CAPZB: variants seen among roughly 807,000 people sequenced by gnomAD.
CAPZB encodes F-actin-capping protein subunit beta.
CAPZB carries 2 observed loss-of-function variants against 38.1 expected under a neutral mutation model. The observed-to-expected ratio is 0.05, with a 90% CI of 0.02 to 0.17. The LOEUF is 0.17. Ranked by LOEUF, CAPZB falls within the 10% of genes least tolerant of loss-of-function variation. The probability of loss-of-function intolerance (pLI) is 1.00; values close to 1 mark genes in which losing one functional copy is unlikely to be tolerated. For missense variants in CAPZB, 161 were observed against 334.2 expected (o/e 0.48, Z 4.04); for synonymous variants, 107 against 127.4 (o/e 0.84, Z 1.08).
At chr1:19,460,477 G>A (rs1350968339) in intron 1 of CAPZB, among the ~76,000 whole-genome samples, 7 of 150,516 alleles carry the variant, frequency 4.7e-5, no homozygotes, top group East Asian at 2.0e-4. Context: ...AGGTTTCACC[G>A]TGTTAGCCAG....
At chr1:19,402,444 T>C (rs919922633) in intron 2 of CAPZB, among the ~76,000 whole-genome samples, 1 of 152,222 alleles carries the variant, frequency 6.6e-6, no homozygotes, top group African/African-American at 2.4e-5. Flanking sequence ...ATCTAGAAAG[T>C]CTGAGTGGGA....
chr1:19,431,776 C>A (rs1445420156), intron 1 of CAPZB, among the ~76,000 whole-genome samples: 1 of 151,600 alleles, frequency 6.6e-6, no homozygotes, highest in Non-Finnish European at 1.5e-5. Flanking sequence ...TTGATTTTAT[C>A]CAAGAAAATA....
rs541701787 is a variant in CAPZB, at chr1:19,359,039, T to C, written c.330-1476A>G. Among the ~76,000 whole-genome samples the C allele has an allele frequency of 3.4e-4, 52 of 152,306 alleles. No individual in the cohort carries two copies. The East Asian group carries it at 8.9e-3, about 26-fold the overall frequency. ...GGACTTAATCTACTTTCTACGGCTG[T>C]TGAGAGACAAAAACAATTAGGAAAA... On this transcript the variant is annotated intron_variant, in intron 4 of 8. Coordinates refer to ENST00000264202, the MANE Select transcript of CAPZB (RefSeq NM_004930.5).
chr1:19,463,261 G>A (rs2094558045), intron 1 of CAPZB, among the ~76,000 whole-genome samples: 1 of 152,170 alleles, frequency 6.6e-6, no homozygotes, highest in Non-Finnish European at 1.5e-5. Context: ...AGGATTTTAT[G>A]AAAATGTGTT....
chr1:19,425,883 GGTAGA>G (rs1463522831), intron 1 of CAPZB, among the ~76,000 whole-genome samples: 7 of 152,172 alleles, frequency 4.6e-5, no homozygotes, highest in Non-Finnish European at 1.5e-5. Flanking sequence ...CTCCAAGTTT[GGTAGA>G]GTAAACACAC....
At chr1:19,361,419 G>A (rs1338193684) in intron 4 of CAPZB, among the ~76,000 whole-genome samples, 10 of 152,212 alleles carry the variant, frequency 6.6e-5, no homozygotes, top group Non-Finnish European at 1.0e-4. Context: ...CTGACATTCC[G>A]AGACAAAGGG....
chr1:19,370,478 C>A (rs956913660), intron 4 of CAPZB, among the ~76,000 whole-genome samples: 36 of 152,172 alleles, frequency 2.4e-4, no homozygotes, highest in African/African-American at 8.4e-4. Context: ...ATACACTCCC[C>A]CAGGGATGGG....
intron 1 of CAPZB, among the ~76,000 whole-genome samples, chr1:19,473,256 G>T (rs891611264): frequency 2.8e-4 from 42 of 152,300 alleles, no homozygotes; most frequent in African/African-American, 9.9e-4. Flanking sequence ...GGCCATCTCT[G>T]CCCCTTCCTA....
intron 4 of CAPZB, among the ~76,000 whole-genome samples, chr1:19,365,974 T>G (rs1558189392): frequency 6.6e-6 from 1 of 152,072 alleles, no homozygotes; most frequent in Non-Finnish European, 1.5e-5. Context: ...TTGATGTAAC[T>G]GAAAAAAGCA....
chr1:19,372,714 A>T (rs2100394226), intron 4 of CAPZB, among the ~76,000 whole-genome samples: 1 of 152,276 alleles, frequency 6.6e-6, no homozygotes, highest in East Asian at 1.9e-4. Flanking sequence ...CTCTGCTGAG[A>T]AAGAGTGTCA....
At chr1:19,450,326 A>G (rs1402476071) in intron 1 of CAPZB, among the ~76,000 whole-genome samples, 1 of 152,158 alleles carries the variant, frequency 6.6e-6, no homozygotes, top group Non-Finnish European at 1.5e-5. Context: ...CATTATACTT[A>G]CTGGTTGAGA....
At chr1:19,427,591 C>T (rs777695253) in intron 1 of CAPZB, among the ~76,000 whole-genome samples, 2 of 152,176 alleles carry the variant, frequency 1.3e-5, no homozygotes, top group African/African-American at 2.4e-5. Flanking sequence ...CCGGCCCAGC[C>T]GACCACTCAT....
At chr1:19,409,680 G>A (rs113217826) in intron 2 of CAPZB, among the ~76,000 whole-genome samples, 3,161 of 152,244 alleles carry the variant, frequency 0.021, 114 homozygotes, top group African/African-American at 0.072. Context: ...CTGTCCAATG[G>A]GGACAACTCT....
intron 2 of CAPZB, among the ~76,000 whole-genome samples, chr1:19,408,119 GGTTATA>G (rs1328341276): frequency 2.0e-5 from 3 of 152,178 alleles, no homozygotes; most frequent in African/African-American, 7.2e-5. Flanking sequence ...ACGTGCACTG[GGTTATA>G]AAATGCCCCA....
chr1:19,356,861 C>G lies in CAPZB; in HGVS notation c.472-110G>C, dbSNP rs1268554454. 6 of 589,948 alleles carry G rather than the reference C, an allele frequency of 1.0e-5. No individual in the cohort carries two copies. The East Asian group carries it at 1.9e-4, about 18-fold the overall frequency. 36.5% of individuals were successfully genotyped at this position (589,948 alleles called of 1,614,324 possible). A position where few individuals can be genotyped will look rare whatever the true frequency, so the allele number is the denominator to read the frequency against. ...TCCTAGGTCATTATCACAATATTAC[C>G]TTTTTTTTTTTTAAATTGGAGACAA... is the stretch of plus-strand genomic sequence containing the variant. On this transcript the variant is annotated intron_variant, in intron 5 of 8. Transcript: ENST00000264202. This position sits in a 1 kb window ranked among gnomAD's most constrained non-coding sequence, Gnocchi z 4.3.
At chr1:19,361,598 C>T (rs951120806) in intron 4 of CAPZB, among the ~76,000 whole-genome samples, 1 of 152,232 alleles carries the variant, frequency 6.6e-6, no homozygotes, top group African/African-American at 2.4e-5. Context: ...GCGCGTGAAG[C>T]ATTAATTAAA....
At chr1:19,379,540 G>C (rs2094162846) in intron 3 of CAPZB, among the ~76,000 whole-genome samples, 1 of 152,226 alleles carries the variant, frequency 6.6e-6, no homozygotes, top group Non-Finnish European at 1.5e-5. Context: ...AAGAGATACA[G>C]CTCCACAGGG....
chr1:19,427,074 C>T (rs995672707), intron 1 of CAPZB, among the ~76,000 whole-genome samples: 9 of 152,232 alleles, frequency 5.9e-5, no homozygotes, highest in African/African-American at 2.2e-4. Context: ...GAGATGACTA[C>T]GTTTCCTAGC....
At chr1:19,484,353 G>T (rs764770026) in intron 1 of CAPZB, 1 of 1,556,394 alleles carries the variant, frequency 6.4e-7, no homozygotes, top group Non-Finnish European at 8.7e-7. Flanking sequence ...GCGATTGTGC[G>T]TTCATCCTTG....
Sources: allele counts gnomAD v4.1 joint callset (sites outside exome capture counted in the v4.1 genomes callset), GRCh38; gene constraint gnomAD v4.1.1; non-coding constraint Gnocchi (gnomAD v3.1); transcripts MANE v1.5; gene names NCBI Gene and HGNC (gene_info 2026-07-23, HGNC 2026-07-21).